The following PALM2AKAP2 variants were observed in gnomAD, a reference collection of about 807,000 sequenced individuals.
PALM2AKAP2 encodes PALM2 and AKAP2 fusion, also known as PALM2-AKAP2 fusion protein.
PALM2AKAP2 carries 37 observed loss-of-function variants against 71.5 expected under a neutral mutation model. The ratio of observed to expected loss-of-function variants is 0.52; its 90% CI spans 0.40 to 0.68. The LOEUF is 0.68. PALM2AKAP2 is among the 30% of genes least tolerant of loss of function. PALM2AKAP2 has a pLI of 0.00. For missense variants in PALM2AKAP2, 1,224 were observed against 1,191.8 expected (o/e 1.03, Z -0.40); for synonymous variants, 468 against 478.8 (o/e 0.98, Z 0.29).
upstream of PALM2AKAP2, among the ~76,000 whole-genome samples, chr9:109,779,122 A>G (rs1306599787): frequency 2.0e-5 from 3 of 152,178 alleles, no homozygotes; most frequent in African/African-American, 4.8e-5. Flanking sequence ...TAAAGAGGCC[A>G]TATTAGTTAT....
At chr9:109,813,315 A>G (rs1461065925) in intron 1 of PALM2AKAP2, among the ~76,000 whole-genome samples, 1 of 152,188 alleles carries the variant, frequency 6.6e-6, no homozygotes, top group East Asian at 1.9e-4. Context: ...AGCTTGCCCT[A>G]ATGAATTGGG....
intron 1 of PALM2AKAP2, among the ~76,000 whole-genome samples, chr9:110,068,087 C>CTTTTTTTTTTTTT (rs5899875): frequency 8.1e-6 from 1 of 122,936 alleles, no homozygotes; most frequent in African/African-American, 3.4e-5. Flanking sequence ...GTTCCAAACT[C>CTTTTTTTTTTTTT]TTTTTTTTTT....
Position 109,770,695 on chromosome 9 carries a change from C to T in PALM2AKAP2, c.6-9793C>T, listed in dbSNP as rs538595378. On this transcript the variant is annotated intron_variant, in intron 1 of 6. Coordinates refer to the PALM2AKAP2 transcript ENST00000374531. ...GGGCCATCTTGGGTACACTTGGGCA[C>T]AACTGGTGCTGGGCTGAACATGCCA... Among the ~76,000 whole-genome samples the T allele has an allele frequency of 2.0e-4, 30 of 152,286 alleles. 1 individual carries two copies. In the East Asian group the frequency reaches 5.8e-3, roughly 29 times the overall value.
chr9:110,016,305 G>T (rs536474169), intron 7 of PALM2AKAP2, among the ~76,000 whole-genome samples: 55 of 152,156 alleles, frequency 3.6e-4, no homozygotes, highest in Non-Finnish European at 7.1e-4. Flanking sequence ...CAGAATCTAA[G>T]ATGTGATTTC....
chr9:109,982,043 A>T (rs1832280791), intron 6 of PALM2AKAP2, among the ~76,000 whole-genome samples: 1 of 152,246 alleles, frequency 6.6e-6, no homozygotes, highest in Admixed American at 6.5e-5. Context: ...ATTTGGAAGC[A>T]ACCTAAATGT....
chr9:109,954,554 T>C (rs1368273339), intron 6 of PALM2AKAP2, among the ~76,000 whole-genome samples: 1 of 149,720 alleles, frequency 6.7e-6, no homozygotes, highest in East Asian at 2.0e-4. Flanking sequence ...ATATACCTAA[T>C]GCTAGATGAC....
At chr9:109,729,464 T>C (rs780642159) in intron 1 of PALM2AKAP2, among the ~76,000 whole-genome samples, 1 of 152,250 alleles carries the variant, frequency 6.6e-6, no homozygotes, top group Non-Finnish European at 1.5e-5. Context: ...ATTCTATGAT[T>C]CTAGCCATCT....
chr9:109,826,572 T>G (rs1828156637), intron 1 of PALM2AKAP2, among the ~76,000 whole-genome samples: 1 of 152,192 alleles, frequency 6.6e-6, no homozygotes, highest in Admixed American at 6.5e-5. Context: ...TAAAATACAT[T>G]TTTGATACAT....
At chr9:110,061,676 C>A (rs1833968125) in intron 1 of PALM2AKAP2, among the ~76,000 whole-genome samples, 1 of 149,222 alleles carries the variant, frequency 6.7e-6, no homozygotes, top group African/African-American at 2.5e-5. Context: ...TATATGTGTA[C>A]AACAGGTACA....
At chr9:109,863,994 T>G (rs562123259) in intron 1 of PALM2AKAP2, among the ~76,000 whole-genome samples, 10 of 151,884 alleles carry the variant, frequency 6.6e-5, no homozygotes, top group African/African-American at 2.4e-4. Flanking sequence ...ACAGGGAAAT[T>G]GCTTGAACTC....
At chr9:110,157,352 G>C (rs1283697100) in intron 3 of PALM2AKAP2, among the ~76,000 whole-genome samples, 1 of 151,382 alleles carries the variant, frequency 6.6e-6, no homozygotes, top group Non-Finnish European at 1.5e-5. Flanking sequence ...GCTTATGCCT[G>C]TTGTGGTGTT....
intron 1 of PALM2AKAP2, among the ~76,000 whole-genome samples, chr9:109,724,742 A>G (rs1564125984): frequency 6.6e-6 from 1 of 152,216 alleles, no homozygotes; most frequent in African/African-American, 2.4e-5. Flanking sequence ...AGATTATGCT[A>G]CATGCCTATG....
intron 1 of PALM2AKAP2, among the ~76,000 whole-genome samples, chr9:109,666,085 T>G (rs934638889): frequency 2.6e-5 from 4 of 152,184 alleles, no homozygotes; most frequent in Admixed American, 1.3e-4. Flanking sequence ...TTTTTCCAGG[T>G]AGTCTGTCAT....
rs77222563 is a variant in PALM2AKAP2, at chr9:110,094,338, G to A, written c.157-41789G>A. On this transcript the variant is annotated intron_variant, in intron 1 of 3. Transcript: ENST00000374525. ...CCAATGAACAAGGCAACTGGAGGCC[G>A]TACTCGTCTTTGCGCTAGGTAGCCT... is the stretch of plus-strand genomic sequence containing the variant. 8.8e-3 allele frequency among the ~76,000 whole-genome samples: 1,346 copies of A among 152,308 alleles called. 20 individuals carry two copies. Among genetic ancestry groups the A allele is most frequent in the African/African-American group, 0.031 (1,268 of 41,564 alleles).
intron 1 of PALM2AKAP2, among the ~76,000 whole-genome samples, chr9:109,791,065 G>C (rs1827099399): frequency 6.6e-6 from 1 of 152,190 alleles, no homozygotes; most frequent in Admixed American, 6.5e-5. Flanking sequence ...CAATAGATGA[G>C]ATAGGTTTGG....
intron 6 of PALM2AKAP2, among the ~76,000 whole-genome samples, chr9:109,936,673 A>T (rs1831225656): frequency 6.6e-6 from 1 of 152,190 alleles, no homozygotes; most frequent in South Asian, 2.1e-4. Context: ...TTTACGCATC[A>T]CTGACTCGTG....
intron 1 of PALM2AKAP2, among the ~76,000 whole-genome samples, chr9:109,836,847 T>C (rs150987488): frequency 0.039 from 5,968 of 152,014 alleles, 304 homozygotes; most frequent in African/African-American, 0.11. Flanking sequence ...TAAAAAGAAA[T>C]GAACAAAGCC....
chr9:109,894,934 T>G (rs1830167085), intron 3 of PALM2AKAP2, among the ~76,000 whole-genome samples: 1 of 152,186 alleles, frequency 6.6e-6, no homozygotes, highest in South Asian at 2.1e-4. Context: ...TGTTTAAATC[T>G]TGTCATTGCC....
intron 3 of PALM2AKAP2, among the ~76,000 whole-genome samples, chr9:110,165,582 G>A (rs898308097): frequency 1.3e-5 from 2 of 152,122 alleles, no homozygotes; most frequent in Non-Finnish European, 2.9e-5. Context: ...TATGACCATG[G>A]TAAATGGGCA....
Sources: gnomAD v4.1 joint callset for allele counts (sites outside exome capture counted in the v4.1 genomes callset) on GRCh38, gnomAD v4.1.1 for gene constraint, MANE v1.5 for transcripts, NCBI Gene and HGNC (gene_info 2026-07-23, HGNC 2026-07-21) for gene names.